The following TENM3 variants were observed in gnomAD, a reference collection of about 807,000 sequenced individuals.
The protein encoded by TENM3 is teneurin transmembrane protein 3.
In TENM3, 63 loss-of-function variants were observed where a neutral mutation model predicts 255.1. The observed-to-expected ratio is 0.25, with a 90% CI of 0.20 to 0.30. TENM3 has a LOEUF of 0.30. Among genes scored for constraint, TENM3 ranks in the 10% least tolerant of loss-of-function variants. The pLI is 1.00. For synonymous variants in TENM3, 1,306 were observed against 1,322.3 expected (o/e 0.99, Z 0.27); for missense variants, 2,929 against 3,461.1 (o/e 0.85, Z 3.86).
At chr4:182,512,182 C>G (rs1311935563) in intron 3 of TENM3, among the ~76,000 whole-genome samples, 1 of 152,208 alleles carries the variant, frequency 6.6e-6, no homozygotes, top group Non-Finnish European at 1.5e-5. Context: ...CCTCCCCACT[C>G]CCTTGCACGT....
At chr4:181,705,165 A>G in the TENM3 span, among the ~76,000 whole-genome samples, 468 of 152,330 alleles carry the variant, frequency 3.1e-3, 1 homozygote, top group African/African-American at 9.8e-3. Context: ...TAATACATTT[A>G]TTCCAATTAT....
At chr4:182,423,531 A>G (rs925663880) in intron 3 of TENM3, among the ~76,000 whole-genome samples, 4 of 152,198 alleles carry the variant, frequency 2.6e-5, no homozygotes, top group Non-Finnish European at 5.9e-5. Context: ...ACAAAGCCCA[A>G]TGACTTTTAG....
intron 10 of TENM3, 25 bp downstream of exon 10, chr4:182,680,762 G>A: frequency 6.7e-7 from 1 of 1,489,688 alleles, no homozygotes; most frequent in Non-Finnish European, 9.0e-7. Flanking sequence ...ATTCACAGAA[G>A]TCTGTTGTTA....
the TENM3 span, among the ~76,000 whole-genome samples, chr4:181,671,925 C>G: frequency 6.6e-6 from 1 of 152,106 alleles, no homozygotes; most frequent in East Asian, 1.9e-4. Context: ...TAGATTGTAT[C>G]TCAAGACTGA....
chr4:181,448,969 A>G, the TENM3 span, among the ~76,000 whole-genome samples: 1 of 152,218 alleles, frequency 6.6e-6, no homozygotes, highest in Non-Finnish European at 1.5e-5. Context: ...GTGTTCAACT[A>G]TTTTAAGGTC....
intron 1 of TENM3, among the ~76,000 whole-genome samples, chr4:182,159,958 G>C (rs1750997937): frequency 6.6e-6 from 1 of 152,190 alleles, no homozygotes; most frequent in Non-Finnish European, 1.5e-5. Flanking sequence ...GGGATGCTTT[G>C]TGGGAAAAAC....
chr4:182,303,547 G>T (rs564639961), intron 1 of TENM3, among the ~76,000 whole-genome samples: 2 of 152,134 alleles, frequency 1.3e-5, no homozygotes, highest in African/African-American at 4.8e-5. Flanking sequence ...TAGTCAACGC[G>T]CTGTCATTGT....
the TENM3 span, among the ~76,000 whole-genome samples, chr4:181,700,623 T>A: frequency 6.6e-6 from 1 of 152,198 alleles, no homozygotes; most frequent in Admixed American, 6.5e-5. Context: ...TCTTTTCCCT[T>A]CCCTTCATTT....
the TENM3 span, among the ~76,000 whole-genome samples, chr4:181,991,122 A>G: frequency 2.0e-5 from 3 of 152,180 alleles, no homozygotes; most frequent in Non-Finnish European, 4.4e-5. Context: ...ACAGGAAACA[A>G]TTTTAAAGCA....
intron 3 of TENM3, among the ~76,000 whole-genome samples, chr4:182,389,746 C>G (rs1975808): frequency 6.8e-6 from 1 of 146,452 alleles, no homozygotes; most frequent in South Asian, 2.2e-4. Context: ...AGTGCAGTGG[C>G]GCGATCTCGG....
At chr4:182,190,592 G>A (rs1753453677) in intron 1 of TENM3, among the ~76,000 whole-genome samples, 1 of 152,144 alleles carries the variant, frequency 6.6e-6, no homozygotes, top group African/African-American at 2.4e-5. Flanking sequence ...CAGACCAGTG[G>A]AAATTTGAGA....
chr4:181,799,297 G>A, the TENM3 span, among the ~76,000 whole-genome samples: 1 of 152,218 alleles, frequency 6.6e-6, no homozygotes, highest in African/African-American at 2.4e-5. Context: ...CAGCAATGAA[G>A]TAATAAGCAG....
At chr4:181,827,522 C>A in the TENM3 span, among the ~76,000 whole-genome samples, 1 of 152,284 alleles carries the variant, frequency 6.6e-6, no homozygotes, top group East Asian at 1.9e-4. Flanking sequence ...CCACTTAGCA[C>A]ATGCAACAAA....
the TENM3 span, among the ~76,000 whole-genome samples, chr4:181,499,729 A>G: frequency 5.3e-5 from 8 of 152,220 alleles, no homozygotes; most frequent in Non-Finnish European, 1.2e-4. Flanking sequence ...CTGAAGCCAT[A>G]CAATCAGAAA....
At chr4:182,795,732 C>T (rs973728314) in intron 26 of TENM3, among the ~76,000 whole-genome samples, 2 of 152,160 alleles carry the variant, frequency 1.3e-5, no homozygotes, top group African/African-American at 2.4e-5. Flanking sequence ...CTCCTAGCAA[C>T]GTGGACTGCA....
chr4:181,706,564 G>A, the TENM3 span, among the ~76,000 whole-genome samples: 1 of 152,130 alleles, frequency 6.6e-6, no homozygotes, highest in Non-Finnish European at 1.5e-5. Flanking sequence ...GGATTCCCCA[G>A]ATAAGTATTC....
At chr4:182,154,850 C>T (rs1213029995) in intron 1 of TENM3, among the ~76,000 whole-genome samples, 1 of 152,072 alleles carries the variant, frequency 6.6e-6, no homozygotes, top group East Asian at 1.9e-4. Context: ...CATATTATAG[C>T]TTGCTTTGGT....
At chr4:181,902,202 C>A in the TENM3 span, among the ~76,000 whole-genome samples, 1 of 139,920 alleles carries the variant, frequency 7.1e-6, no homozygotes, top group African/African-American at 2.7e-5. Context: ...AAAAAAAAAC[C>A]CTATTAAAAG....
chr4:181,564,359 C>T, the TENM3 span, among the ~76,000 whole-genome samples: 6 of 152,102 alleles, frequency 3.9e-5, no homozygotes, highest in African/African-American at 1.4e-4. Context: ...TGTTTTTTGC[C>T]TATTTAAGGA....
Sources: allele counts gnomAD v4.1 joint callset (sites outside exome capture counted in the v4.1 genomes callset), GRCh38; gene constraint gnomAD v4.1.1; transcripts MANE v1.5; gene names NCBI Gene and HGNC (gene_info 2026-07-23, HGNC 2026-07-21).